SLC35F4: variants seen among roughly 807,000 people sequenced by gnomAD.
SLC35F4 encodes the protein chromosome 14 open reading frame 36.
SLC35F4 carries 24 observed loss-of-function variants against 44.2 expected under a neutral mutation model. That is an observed-to-expected ratio of 0.54 (90% CI 0.39 to 0.76). The LOEUF is 0.76. Among genes scored for constraint, SLC35F4 ranks in the 30% least tolerant of loss-of-function variants. The probability of loss-of-function intolerance (pLI) is 0.00; values close to 1 mark genes in which losing one functional copy is unlikely to be tolerated. For missense variants in SLC35F4, 562 were observed against 586.1 expected, an observed-to-expected ratio of 0.96 and a Z score of 0.42; for synonymous variants, 238 against 223.6, an observed-to-expected ratio of 1.06 and a Z score of -0.57.
At chr14:57,705,068 C>T (rs566526037) in intron 1 of SLC35F4, among the ~76,000 whole-genome samples, 97 of 152,122 alleles carry the variant, frequency 6.4e-4, no homozygotes, top group Non-Finnish European at 9.7e-4. Context: ...CTACTAATTG[C>T]GCAATACTAT....
chr14:57,841,013 C>T (rs1260092844), intron 1 of SLC35F4, among the ~76,000 whole-genome samples: 11 of 152,206 alleles, frequency 7.2e-5, no homozygotes, highest in Admixed American at 5.2e-4. Flanking sequence ...CTCTTTCAGA[C>T]ACTGACAGTA....
intron 1 of SLC35F4, among the ~76,000 whole-genome samples, chr14:57,716,446 G>A (rs1034521042): frequency 1.3e-5 from 2 of 152,162 alleles, no homozygotes; most frequent in South Asian, 2.1e-4. Flanking sequence ...CATGCTTAGC[G>A]TTCCAATAAT....
chr14:57,671,049 C>T (rs2074503199), intron 1 of SLC35F4, among the ~76,000 whole-genome samples: 2 of 151,530 alleles, frequency 1.3e-5, no homozygotes, highest in Admixed American at 1.3e-4. Flanking sequence ...GGACTATAGA[C>T]ACACACCACC....
At position 57,878,131 on chromosome 14, in the gene SLC35F4, C is replaced by G. The variant is rs552064743; in HGVS notation, n.282+103782G>C. Among the ~76,000 whole-genome samples, 17 of 152,130 alleles carry G rather than the reference C, an allele frequency of 1.1e-4. 1 individual carries two copies. The South Asian group carries it at 3.3e-3, about 30-fold the overall frequency. ...ATGTATGTCTTCTTTTGAGAAATGC[C>G]TGTTCATGTCCTTTGCCCATTTTTA... On this transcript the variant is annotated intron_variant and non_coding_transcript_variant, in intron 1 of 1. Transcript: ENST00000556568.
intron 3 of SLC35F4, among the ~76,000 whole-genome samples, chr14:57,581,668 C>G (rs2069272502): frequency 2.0e-5 from 3 of 152,250 alleles, no homozygotes; most frequent in African/African-American, 7.2e-5. Context: ...CTGAGATAGT[C>G]TCTGGAGGTT....
intron 1 of SLC35F4, among the ~76,000 whole-genome samples, chr14:57,691,290 A>G (rs565000463): frequency 7.1e-4 from 108 of 152,350 alleles, no homozygotes. Flanking sequence ...TTAACATATC[A>G]CACACTATAA....
chr14:57,774,660 C>T (rs530323600), intron 1 of SLC35F4, among the ~76,000 whole-genome samples: 1 of 152,198 alleles, frequency 6.6e-6, no homozygotes, highest in Non-Finnish European at 1.5e-5. Context: ...TGCAGTACAG[C>T]CCCTGGGGGC....
chr14:57,858,683 A>T (rs546194108), intron 1 of SLC35F4, among the ~76,000 whole-genome samples: 15 of 150,940 alleles, frequency 9.9e-5, no homozygotes, highest in Non-Finnish European at 1.6e-4. Flanking sequence ...GTATAATTTT[A>T]AAAAAAGGAG....
intron 1 of SLC35F4, among the ~76,000 whole-genome samples, chr14:57,809,687 T>C (rs1256286620): frequency 2.0e-5 from 3 of 152,236 alleles, no homozygotes; most frequent in Admixed American, 1.3e-4. Flanking sequence ...TTAAAAATTG[T>C]TCATCTGTGA....
intron 1 of SLC35F4, among the ~76,000 whole-genome samples, chr14:57,857,004 G>A (rs760589410): frequency 2.0e-5 from 3 of 151,958 alleles, no homozygotes; most frequent in Non-Finnish European, 2.9e-5. Flanking sequence ...GGCCGGGCAC[G>A]GTGGCTCACG....
chr14:57,851,893 T>C (rs1011019337), intron 1 of SLC35F4, among the ~76,000 whole-genome samples: 7 of 152,220 alleles, frequency 4.6e-5, no homozygotes, highest in Admixed American at 2.0e-4. Context: ...TGTATTATCA[T>C]TGCAACTTTT....
chr14:57,878,366 A>C (rs1171356737), intron 1 of SLC35F4, among the ~76,000 whole-genome samples: 2 of 152,068 alleles, frequency 1.3e-5, no homozygotes, highest in Non-Finnish European at 2.9e-5. Flanking sequence ...TCAATAACAA[A>C]CTTCTGCTTA....
intron 1 of SLC35F4, among the ~76,000 whole-genome samples, chr14:57,667,080 T>C (rs990880617): frequency 1.1e-4 from 17 of 151,758 alleles, no homozygotes; most frequent in African/African-American, 3.9e-4. Context: ...AGGTACCTCC[T>C]AGGCAGACAG....
At chr14:57,916,280 C>T (rs542917051) in intron 1 of SLC35F4, among the ~76,000 whole-genome samples, 51 of 152,320 alleles carry the variant, frequency 3.3e-4, no homozygotes, top group African/African-American at 9.9e-4. Context: ...GCAGCGCCAT[C>T]ACAACCTAAT....
chr14:57,931,552 A>T (rs949892829), intron 1 of SLC35F4, among the ~76,000 whole-genome samples: 2 of 152,214 alleles, frequency 1.3e-5, no homozygotes, highest in Non-Finnish European at 2.9e-5. Context: ...CTATAGTGCA[A>T]ATAATATGAA....
rs558685495 is a variant in SLC35F4, at chr14:57,935,658, C to T, written n.282+46255G>A. Among the ~76,000 whole-genome samples, 35 of 152,288 alleles carry T rather than the reference C, an allele frequency of 2.3e-4. No individual in the cohort carries two copies. The South Asian group carries it at 6.2e-3, about 27-fold the overall frequency. ...CATATATTTCCTATCAGCTCTAAGG[C>T]CCAGATCCCCAAAAATTCAGATGTT... On this transcript the variant is annotated intron_variant and non_coding_transcript_variant, in intron 1 of 1. Coordinates refer to the SLC35F4 transcript ENST00000556568.
chr14:57,673,877 GACTACTAATCTAACAAAGC>G (rs2074600917), intron 1 of SLC35F4, among the ~76,000 whole-genome samples: 2 of 151,894 alleles, frequency 1.3e-5, no homozygotes, highest in Admixed American at 1.3e-4. Flanking sequence ...AAATTAATAA[GACTACTAATCTAACAAAGC>G]ACTGTTATCA....
chr14:57,844,629 C>T (rs1441666361), intron 1 of SLC35F4, among the ~76,000 whole-genome samples: 3 of 152,290 alleles, frequency 2.0e-5, no homozygotes, highest in African/African-American at 7.2e-5. Flanking sequence ...TCTGTCCCCA[C>T]ATAAGCTTAT....
chr14:57,600,740 TAACTC>T (rs1470822967), intron 1 of SLC35F4, among the ~76,000 whole-genome samples: 2 of 134,990 alleles, frequency 1.5e-5, no homozygotes, highest in Non-Finnish European at 3.2e-5. Flanking sequence ...AAAATATCAA[TAACTC>T]AACAAAATAT....
Sources: gnomAD v4.1 joint callset for allele counts (sites outside exome capture counted in the v4.1 genomes callset) on GRCh38, gnomAD v4.1.1 for gene constraint, MANE v1.5 for transcripts, NCBI Gene and HGNC (gene_info 2026-07-23, HGNC 2026-07-21) for gene names.